Variants in RELT observed in about 807,000 individuals in gnomAD.
RELT encodes the protein tumor necrosis factor receptor superfamily member 19L.
RELT carries 37 observed loss-of-function variants against 51.1 expected under a neutral mutation model. That is an observed-to-expected ratio of 0.72 (90% CI 0.56 to 0.95). RELT has a LOEUF of 0.95. Among genes scored for constraint, RELT ranks in the 40% least tolerant of loss-of-function variants. The probability of loss-of-function intolerance (pLI) is 0.00; values close to 1 mark genes in which losing one functional copy is unlikely to be tolerated. For synonymous variants in RELT, 241 were observed against 235.7 expected (o/e 1.02, Z -0.21); for missense variants, 535 against 572.6 (o/e 0.93, Z 0.67).
At chr11:73,389,204 G>T in intron 2 of RELT, 23 bp downstream of exon 2, 1 of 1,522,994 alleles carries the variant, frequency 6.6e-7, no homozygotes. Flanking sequence ...TGGGCCCTGG[G>T]AAGGAGAAAA....
intron 6 of RELT, 131 bp from the exon 7 acceptor site, chr11:73,393,706 G>A (rs1432479893): frequency 6.3e-7 from 1 of 1,576,574 alleles, no homozygotes; most frequent in Non-Finnish European, 8.7e-7. Context: ...GCTCTGGGAG[G>A]CTTGTCACCT....
intron 1 of RELT, among the ~76,000 whole-genome samples, chr11:73,386,888 A>T (rs917191310): frequency 4.7e-5 from 7 of 149,662 alleles, no homozygotes; most frequent in Non-Finnish European, 1.5e-5. Context: ...GGGGACATGG[A>T]GGGCTGCTAG....
At chr11:73,385,730 T>G (rs1034478548) in intron 1 of RELT, among the ~76,000 whole-genome samples, 3 of 152,108 alleles carry the variant, frequency 2.0e-5, no homozygotes, top group African/African-American at 4.8e-5. Context: ...ATTACCTCCT[T>G]TAAACCCCAT....
At position 73,396,529 on chromosome 11, in the gene RELT, TGG is replaced by T. The variant is rs1189055777; in HGVS notation, c.*1040_*1041del. 1.3e-5 allele frequency: 2 copies of T among 152,342 alleles called. No individual in the cohort carries two copies. Among genetic ancestry groups the T allele is most frequent in the Non-Finnish European group, 2.9e-5 (2 of 68,090 alleles). The allele number at this position is 152,342 out of a possible 1,614,324, so 9.4% of individuals were successfully genotyped here. On this transcript the variant is annotated 3_prime_UTR_variant, in exon 11 of 11. Transcript: ENST00000064780. ...TTATTTATGTGGGGCCGTGCAGGCA[TGG>T]GCCCACTGCCTGTCCATCCTGTTTC...
intron 6 of RELT, chr11:73,393,555 C>T: frequency 7.3e-7 from 1 of 1,375,062 alleles, no homozygotes; most frequent in Non-Finnish European, 9.5e-7. Context: ...ACGCACCGCC[C>T]CCTCGCCCGC....
intron 1 of RELT, among the ~76,000 whole-genome samples, chr11:73,377,584 A>T (rs1658781494): frequency 1.3e-5 from 2 of 151,454 alleles, no homozygotes; most frequent in South Asian, 4.2e-4. Context: ...GCCCACCTGC[A>T]TCCACACACT....
intron 6 of RELT, chr11:73,393,564 G>T: frequency 1.4e-6 from 2 of 1,407,574 alleles, no homozygotes; most frequent in Non-Finnish European, 1.9e-6. Context: ...CCCCTCGCCC[G>T]CCCAATTCAA....
chr11:73,385,413 T>C (rs974507795), intron 1 of RELT, among the ~76,000 whole-genome samples: 5 of 152,214 alleles, frequency 3.3e-5, no homozygotes, highest in Non-Finnish European at 7.3e-5. Flanking sequence ...GGTCTGGCCG[T>C]GGCCTTTGCT....
chr11:73,393,529 G>A, intron 6 of RELT: 1 of 1,303,322 alleles, frequency 7.7e-7, no homozygotes, highest in Non-Finnish European at 9.9e-7. Context: ...AGACAGTGCA[G>A]ACCCAGAAGA....
At chr11:73,379,200 C>CT (rs1565217416) in intron 1 of RELT, among the ~76,000 whole-genome samples, 1 of 152,170 alleles carries the variant, frequency 6.6e-6, no homozygotes, top group Non-Finnish European at 1.5e-5. Flanking sequence ...GGGGCTGAGC[C>CT]GGAGTTATTT....
chr11:73,378,380 A>G (rs977463328), intron 1 of RELT, among the ~76,000 whole-genome samples: 1 of 152,186 alleles, frequency 6.6e-6, no homozygotes, highest in Non-Finnish European at 1.5e-5. Context: ...TGTTCTGAAC[A>G]CTTCATGGTG....
At chr11:73,387,706 A>G (rs1866147137) in intron 1 of RELT, among the ~76,000 whole-genome samples, 1 of 152,094 alleles carries the variant, frequency 6.6e-6, no homozygotes, top group Admixed American at 6.5e-5. Flanking sequence ...AGATCTGCCA[A>G]GAGGGAGGGC....
chr11:73,390,907 A>G lies in RELT; in HGVS notation c.273A>G (p.Gly91=), dbSNP rs776119155. 1.9e-6 allele frequency: 3 copies of G among 1,612,942 alleles called. No homozygotes were observed. In the Admixed American group the frequency reaches 5.0e-5, roughly 27 times the overall value. ...TGGCAACTCGAGATACACTCTGTGG[A>G]GACTGCTGGCCTGGGTAAGCCAAAG... The part of the protein sequence containing the change: ...VGMATRDTLC[G]DCWPGWFGPW... Residue 91 remains glycine (G), a synonymous_variant, in exon 4 of 11, where the codon GGA becomes GGG. Transcript: ENST00000064780.
At chr11:73,385,600 G>C (rs891740707) in intron 1 of RELT, among the ~76,000 whole-genome samples, 1 of 152,132 alleles carries the variant, frequency 6.6e-6, no homozygotes, top group African/African-American at 2.4e-5. Context: ...CCTCACCACT[G>C]TCTGGTGGGG....
Position 73,390,576 on chromosome 11 carries a change from T to C in RELT, c.71T>C (p.Leu24Pro), listed in dbSNP as rs1866195193. 6.2e-7 allele frequency: 1 copy of C among 1,613,844 alleles called. No homozygotes were observed. Among genetic ancestry groups the C allele is most frequent in the African/African-American group, 1.3e-5 (1 of 74,926 alleles). ...LMLLPWPLAT[L>P]TSTTLWQCPP... The stretch of plus-strand genomic sequence containing the variant: ...CTGCTGCCCTGGCCTCTCGCCACCC[T>C]GACATCAACAACCCTTTGGCAGTGC... The change falls in exon 3 of 11, where the codon CTG becomes CCG. Residue 24 changes from leucine to proline, a missense_variant. Physicochemically the swap from Leu to Pro is moderately conservative, Grantham distance 98. Transcript: ENST00000064780.
intron 3 of RELT, 57 bp from the exon 4 acceptor site, chr11:73,390,698 C>T: frequency 6.2e-7 from 1 of 1,609,428 alleles, no homozygotes; most frequent in Non-Finnish European, 8.5e-7. Context: ...TGTGCCTGGC[C>T]CCCAAGGGTC....
At chr11:73,391,261 AT>A (rs1441699366) in intron 5 of RELT, 38 bp downstream of exon 5, 9 of 1,584,262 alleles carry the variant, frequency 5.7e-6, no homozygotes, top group Non-Finnish European at 6.9e-6. Flanking sequence ...GTGCAGGGGT[AT>A]GTGCGGGAGG....
At chr11:73,379,492 C>T (rs1179499079) in intron 1 of RELT, among the ~76,000 whole-genome samples, 1 of 152,136 alleles carries the variant, frequency 6.6e-6, no homozygotes, top group South Asian at 2.1e-4. Flanking sequence ...AGCACCTGCC[C>T]CTACTCATAG....
At chr11:73,393,377 G>C in intron 6 of RELT, 6 of 1,148,480 alleles carry the variant, frequency 5.2e-6, no homozygotes, top group Non-Finnish European at 6.5e-6. Flanking sequence ...ACACCCTTGA[G>C]ATTTGGGCCC....
Sources: gnomAD v4.1 joint callset for allele counts (sites outside exome capture counted in the v4.1 genomes callset) on GRCh38, gnomAD v4.1.1 for gene constraint, MANE v1.5 for transcripts, NCBI Gene and HGNC (gene_info 2026-07-23, HGNC 2026-07-21) for gene names.